The following PDE6B variants were observed in gnomAD, a reference collection of about 807,000 sequenced individuals.
PDE6B encodes phosphodiesterase 6B.
Under a neutral mutation model 109.0 loss-of-function variants are expected in PDE6B, and 106 were observed. The observed-to-expected ratio is 0.97, with a 90% CI of 0.83 to 1.14. PDE6B has a LOEUF of 1.14. Among genes scored for constraint, PDE6B ranks in the 50% most tolerant of loss-of-function variants. The pLI is 0.00. For synonymous variants in PDE6B, 490 were observed against 471.3 expected, an observed-to-expected ratio of 1.04 and a Z score of -0.51; for missense variants, 1,193 against 1,155.6, an observed-to-expected ratio of 1.03 and a Z score of -0.47.
chr4:669,510 ACTACCCCATGCTATTCCCG>A (rs2109293939), intron 21 of PDE6B, among the ~76,000 whole-genome samples: 1 of 51,554 alleles, frequency 1.9e-5, no homozygotes, highest in Non-Finnish European at 3.8e-5. Flanking sequence ...TGCTATTCCC[ACTACCCCATGCTATTCCCG>A]CTACCCCATG....
At chr4:647,850 A>T (rs888633222) in intron 3 of PDE6B, among the ~76,000 whole-genome samples, 2 of 151,990 alleles carry the variant, frequency 1.3e-5, no homozygotes, top group Non-Finnish European at 2.9e-5. Context: ...AGGCGCGCAG[A>T]TCACCTGAGG....
chr4:656,669 G>A lies in PDE6B; in HGVS notation c.1108-205G>A, dbSNP rs35621580. Reference sequence around the variant, plus strand: ...TGGGAAAACGGCCTCTACCTCCTCCGGTGGGAAAATATCATGACACAAAAA... The same window carrying A: ...TGGGAAAACGGCCTCTACCTCCTCCAGTGGGAAAATATCATGACACAAAAA... On this transcript the variant is annotated intron_variant, in intron 8 of 21. Coordinates refer to ENST00000496514, the MANE Select transcript of PDE6B (RefSeq NM_000283.4). Among the ~76,000 whole-genome samples, 5,315 of 152,262 alleles carry A rather than the reference G, an allele frequency of 0.035. 114 individuals carry two copies. Among genetic ancestry groups the A allele is most frequent in the African/African-American group, 0.056 (2,333 of 41,542 alleles).
rs2109112982 is a variant in PDE6B, at chr4:625,784, TGGA to T, written c.163_165del (p.Glu55del). ...GACAGCCTCCGGGACCTCTGCCAGG[TGGA>T]GGAGAGCACGGCGCTGCTGGAGCTG... On this transcript the variant is annotated inframe_deletion, in exon 1 of 22. Transcript: ENST00000496514. The surrounding 1 kb of genome is among the most constrained non-coding windows in gnomAD (Gnocchi z 5.0). 4.3e-6 allele frequency: 7 copies of T among 1,613,348 alleles called. No individual in the cohort carries two copies. The highest frequency in any genetic ancestry group is 5.9e-6 in the Non-Finnish European group (7 of 1,179,934).
chr4:664,882 G>T lies in PDE6B; in HGVS notation c.2131G>T (p.Ala711Ser), dbSNP rs1489127015. The change falls in exon 18 of 22, where the codon GCC (alanine) becomes TCC (serine). Residue 711 changes from alanine (A) to serine (S), a missense_variant and splice_region_variant. Ala to Ser is a moderately conservative substitution (Grantham distance 99). Coordinates refer to ENST00000496514, the MANE Select transcript of PDE6B (RefSeq NM_000283.4). ...LETTRKEIVM[A>S]MMMTACDLSA... ...CTCGTGCCCGGTTTGTGTCTGCAGGGCCATGATGATGACAGCCTGCGACCT... is the reference window on the plus strand; with the variant it reads ...CTCGTGCCCGGTTTGTGTCTGCAGGTCCATGATGATGACAGCCTGCGACCT... 2 of 1,613,010 alleles carry T rather than the reference G, an allele frequency of 1.2e-6. No homozygotes were observed. Among genetic ancestry groups the T allele is most frequent in the South Asian group, 2.2e-5 (2 of 91,084 alleles).
Position 635,960 on chromosome 4 carries a change from C to A in PDE6B, c.702C>A (p.Arg234=). 1 of 1,600,828 alleles carries A rather than the reference C, an allele frequency of 6.2e-7. No individual in the cohort carries two copies. Among genetic ancestry groups the A allele is most frequent in the Non-Finnish European group, 8.6e-7 (1 of 1,167,902 alleles). Residue 234 remains arginine (R), a synonymous_variant, in exon 3 of 22, where the codon CGC becomes CGA. Coordinates refer to ENST00000496514, the MANE Select transcript of PDE6B (RefSeq NM_000283.4). The stretch of plus-strand genomic sequence containing the variant: ...GCTACCTCCACAACTGCGAGACGCG[C>A]CGCGGCCAGGTACCCACACGCTGAG... ...HLSYLHNCET[R]RGQVLLWSAN...
Position 625,894 on chromosome 4 carries a change from G to A in PDE6B, c.268G>A (p.Asp90Asn), listed in dbSNP as rs1299406502. Reference sequence around the variant, plus strand: ...GCGCCTCTGCACCCTCCTGCAGGCCGACCGCTGCAGCCTCTTCATGTACCG... The same window carrying A: ...GCGCCTCTGCACCCTCCTGCAGGCCAACCGCTGCAGCCTCTTCATGTACCG... Reference protein sequence around the residue: ...LRRLCTLLQADRCSLFMYRQR... With the variant: ...LRRLCTLLQANRCSLFMYRQR... Residue 90 changes from aspartate to asparagine, a missense_variant, in exon 1 of 22, where the codon GAC becomes AAC. By Grantham distance (23) the Asp-to-Asn change is conservative. Coordinates refer to ENST00000496514, the MANE Select transcript of PDE6B (RefSeq NM_000283.4). The surrounding 1 kb of genome is among the most constrained non-coding windows in gnomAD (Gnocchi z 5.0). 9.4e-6 allele frequency: 15 copies of A among 1,603,316 alleles called. No individual in the cohort carries two copies. In the South Asian group the frequency reaches 1.0e-4, roughly 11 times the overall value.
chr4:656,129 C>T, intron 7 of PDE6B, 116 bp from the exon 8 acceptor site: 1 of 1,002,066 alleles, frequency 1.0e-6, no homozygotes, highest in Middle Eastern at 2.1e-4. Flanking sequence ...CAGTGAAGCC[C>T]CCAGCTGCCC....
chr4:651,364 G>A (rs899483785), intron 3 of PDE6B, among the ~76,000 whole-genome samples: 3 of 152,160 alleles, frequency 2.0e-5, no homozygotes, highest in Admixed American at 6.5e-5. Flanking sequence ...GGGTCCTCAG[G>A]GGGGGCCTCC....
Position 656,889 on chromosome 4 carries a change from G to A in PDE6B, c.1123G>A (p.Asp375Asn), listed in dbSNP as rs759944711. Residue 375 changes from aspartate to asparagine, a missense_variant, in exon 9 of 22, where the codon GAC becomes AAC. By Grantham distance (23) the Asp-to-Asn change is conservative. Transcript: ENST00000496514. The stretch of plus-strand genomic sequence containing the variant: ...GCTCCCGCAGGAAGGGGCCCTGGAC[G>A]ACTCCGGGTGGCTCATCAAGAATGT... ...MFKFQEGALDDSGWLIKNVLS... is the reference protein window; with the variant it reads ...MFKFQEGALDNSGWLIKNVLS... 1.9e-6 allele frequency: 3 copies of A among 1,612,736 alleles called. No individual in the cohort carries two copies. Among genetic ancestry groups the A allele is most frequent in the South Asian group, 2.2e-5 (2 of 91,082 alleles).
rs1384768656 is a variant in PDE6B, at chr4:648,731, C to CT, written c.712-5119dup. Among the ~76,000 whole-genome samples, 2 of 152,276 alleles carry CT rather than the reference C, an allele frequency of 1.3e-5. No homozygotes were observed. Among genetic ancestry groups the CT allele is most frequent in the African/African-American group, 2.4e-5 (1 of 41,480 alleles). ...CCTGTCACGGCAGCTGCCTGTTCGG[C>CT]TTAGTGGAGCAATTCTCACCGCCCA... is the stretch of plus-strand genomic sequence containing the variant. On this transcript the variant is annotated intron_variant, in intron 3 of 21. Transcript: ENST00000496514. The surrounding 1 kb of genome is among the most constrained non-coding windows in gnomAD (Gnocchi z 4.5).
chr4:661,388 G>C (rs1282693274), intron 12 of PDE6B: 1 of 152,468 alleles, frequency 6.6e-6, no homozygotes, highest in African/African-American at 2.4e-5. Flanking sequence ...AGACCCCCTG[G>C]GGAGGCGGGA....
chr4:663,969 C>T lies in PDE6B; in HGVS notation c.2021+99C>T. On this transcript the variant is annotated intron_variant, in intron 16 of 21. Coordinates refer to ENST00000496514, the MANE Select transcript of PDE6B (RefSeq NM_000283.4). The surrounding 1 kb of genome is among the most constrained non-coding windows in gnomAD (Gnocchi z 4.0). Reference sequence around the variant, plus strand: ...CAGCGGCGGCACAGCCCGGGGGACGCAGCCCCGGATTCCGTCCCTGCCCGC... The same window carrying T: ...CAGCGGCGGCACAGCCCGGGGGACGTAGCCCCGGATTCCGTCCCTGCCCGC... 4.5e-6 allele frequency: 5 copies of T among 1,100,944 alleles called. No homozygotes were observed. The South Asian group carries it at 6.8e-5, about 15-fold the overall frequency. 68.2% of individuals were successfully genotyped at this position (1,100,944 alleles called of 1,614,324 possible).
At chr4:651,282 G>A (rs1418962591) in intron 3 of PDE6B, among the ~76,000 whole-genome samples, 2 of 152,040 alleles carry the variant, frequency 1.3e-5, no homozygotes, top group Admixed American at 6.6e-5. Context: ...CAGCAGTGGG[G>A]CCGTCACAGG....
At chr4:653,614 C>T in intron 3 of PDE6B, 3 of 608,304 alleles carry the variant, frequency 4.9e-6, no homozygotes, top group Non-Finnish European at 8.8e-6. Context: ...CCTGAGTGAT[C>T]AGGGACACGA....
At chr4:653,445 C>T (rs944122633) in intron 3 of PDE6B, 13 of 752,216 alleles carry the variant, frequency 1.7e-5, no homozygotes, top group Non-Finnish European at 2.2e-5. Context: ...AGACGCTTGG[C>T]GGAGGCCACA....
At chr4:660,229 A>G (rs1373458930) in intron 11 of PDE6B, among the ~76,000 whole-genome samples, 1 of 152,048 alleles carries the variant, frequency 6.6e-6, no homozygotes, top group Non-Finnish European at 1.5e-5. Context: ...CACCCTGTCC[A>G]CCCAACTGGG....
chr4:650,860 C>A (rs990186150), intron 3 of PDE6B, among the ~76,000 whole-genome samples: 1 of 152,312 alleles, frequency 6.6e-6, no homozygotes, highest in African/African-American at 2.4e-5. Context: ...ACCCGCCACA[C>A]GCTGAAGACG....
intron 11 of PDE6B, 21 bp downstream of exon 11, chr4:659,038 C>A: frequency 3.1e-6 from 5 of 1,598,036 alleles, no homozygotes; most frequent in Non-Finnish European, 4.3e-6. Flanking sequence ...TGCTCCCGTC[C>A]CTCCCATGGA....
intron 1 of PDE6B, among the ~76,000 whole-genome samples, chr4:631,230 T>C (rs1055658865): frequency 4.6e-5 from 7 of 152,176 alleles, no homozygotes; most frequent in African/African-American, 1.7e-4. Context: ...TCCCATACTT[T>C]CTTTGTGAAA....
Sources: gnomAD v4.1 joint callset for allele counts (sites outside exome capture counted in the v4.1 genomes callset) on GRCh38, gnomAD v4.1.1 for gene constraint, Gnocchi (gnomAD v3.1) non-coding constraint, MANE v1.5 for transcripts, NCBI Gene and HGNC (gene_info 2026-07-23, HGNC 2026-07-21) for gene names.